The following BRPF1 variants were observed in gnomAD, a reference collection of about 807,000 sequenced individuals.
BRPF1 encodes peregrin.
In BRPF1, 15 loss-of-function variants were observed where a neutral mutation model predicts 115.0. The ratio of observed to expected loss-of-function variants is 0.13; its 90% CI spans 0.09 to 0.20. The LOEUF (loss-of-function observed/expected upper bound fraction) is 0.20. Ranked by LOEUF, BRPF1 falls within the 10% of genes least tolerant of loss-of-function variation. BRPF1 has a pLI of 1.00. For synonymous variants in BRPF1, 647 were observed against 619.8 expected (o/e 1.04, Z -0.65); for missense variants, 1,118 against 1,638.3 (o/e 0.68, Z 5.48).
In BRPF1 at chr3:9,744,437, G is replaced by T. The variant is rs1378593989; in HGVS notation, c.2849G>T (p.Arg950Leu). 3.7e-6 allele frequency: 6 copies of T among 1,605,844 alleles called. No individual in the cohort carries two copies. The highest frequency in any genetic ancestry group is 2.2e-5 in the East Asian group (1 of 44,570). ...ATGAGTTCCCTGCGTCAGCGCAAGC[G>T]GGGTAGGAGCCCCCGGCCCAGTTCG... ...PIMSSLRQRKRGRSPRPSSSS... is the reference protein window; with the variant it reads ...PIMSSLRQRKLGRSPRPSSSS... The change falls in exon 9 of 14, where the codon CGG becomes CTG. Residue 950 changes from arginine (R) to leucine (L), a missense_variant. By Grantham distance (102) the Arg-to-Leu change is moderately radical (BLOSUM62 -2). This residue lies in a region of BRPF1 where 92 missense variants were observed against 102.2 expected (regional missense o/e 0.90). Coordinates refer to ENST00000383829, the MANE Select transcript of BRPF1 (RefSeq NM_001003694.2).
chr3:9,739,481 G>A lies in BRPF1; in HGVS notation c.1082G>A (p.Cys361Tyr), dbSNP rs1412886514. ...VVCALWIPEVCFANTVFLEPI... is the reference protein window; with the variant it reads ...VVCALWIPEVYFANTVFLEPI... ...TGTGCCTTGTGGATCCCTGAGGTCT[G>A]CTTCGCCAACACGGTCTTCCTAGAG... Residue 361 changes from cysteine to tyrosine, a missense_variant, in exon 3 of 14, where the codon TGC (cysteine) becomes TAC (tyrosine). Physicochemically the swap from Cys to Tyr is radical, Grantham distance 194. This residue lies in a region of BRPF1 where 64 missense variants were observed against 172.8 expected (regional missense o/e 0.37). Transcript: ENST00000383829. The A allele has an allele frequency of 6.2e-7, 1 of 1,613,540 alleles. No homozygotes were observed.
chr3:9,744,079 AATCTTC>A, intron 8 of BRPF1, 139 bp from the exon 9 acceptor site: 1 of 1,281,462 alleles, frequency 7.8e-7, no homozygotes, highest in Admixed American at 2.3e-5. Flanking sequence ...TATAAGAGTT[AATCTTC>A]CAAATTCCAA....
At position 9,747,083 on chromosome 3, in the gene BRPF1, T is replaced by G. The variant is rs1575170109; in HGVS notation, c.3480-83T>G. ...AGTCTGGCCAGAGTGGGTGCTTGGG[T>G]GGTGTGTTTGAGTGAATAGAGGAGG... On this transcript the variant is annotated intron_variant, in intron 13 of 13. Transcript: ENST00000383829. This position sits in a 1 kb window ranked among gnomAD's most constrained non-coding sequence, Gnocchi z 5.6. The G allele has an allele frequency of 6.8e-7, 1 of 1,476,662 alleles. No individual in the cohort carries two copies. Among genetic ancestry groups the G allele is most frequent in the Admixed American group, 1.7e-5 (1 of 58,092 alleles). The allele number at this position is 1,476,662 out of a possible 1,614,324, so 91.5% of individuals were successfully genotyped here. A position where few individuals can be genotyped will look rare whatever the true frequency, so the allele number is the denominator to read the frequency against.
chr3:9,745,869 C>T lies in BRPF1; in HGVS notation c.3263C>T (p.Pro1088Leu), dbSNP rs781286044. Residue 1088 changes from proline to leucine, a missense_variant, in exon 12 of 14, where the codon CCG becomes CTG. Physicochemically the swap from Pro to Leu is moderately conservative, Grantham distance 98. Coordinates refer to ENST00000383829, the MANE Select transcript of BRPF1 (RefSeq NM_001003694.2). This position sits in a 1 kb window ranked among gnomAD's most constrained non-coding sequence, Gnocchi z 5.1. ...AGWLSEDEDS[P>L]LDALDLVWAK... ...TGGCTGTCAGAGGATGAGGACTCCCCGCTGGATGCTCTGGACCTCGTGTGG... is the reference window on the plus strand; with the variant it reads ...TGGCTGTCAGAGGATGAGGACTCCCTGCTGGATGCTCTGGACCTCGTGTGG... 16 of 1,614,142 alleles carry T rather than the reference C, an allele frequency of 9.9e-6. No individual in the cohort carries two copies. In the South Asian group the frequency reaches 1.2e-4, roughly 12 times the overall value.
chr3:9,742,778 A>G (rs1387145686), intron 6 of BRPF1, among the ~76,000 whole-genome samples, 166 bp from the exon 7 acceptor site: 3 of 152,172 alleles, frequency 2.0e-5, no homozygotes, highest in Non-Finnish European at 4.4e-5. Context: ...GTGACTGGTA[A>G]AGTCAGGACC....
intron 2 of BRPF1, among the ~76,000 whole-genome samples, chr3:9,738,667 C>G (rs1379085768): frequency 5.9e-5 from 9 of 152,226 alleles, no homozygotes; most frequent in African/African-American, 2.2e-4. Context: ...AGGAGGCTGG[C>G]TGAGCCTCTG....
chr3:9,732,542 C>T (rs75926075), intron 1 of BRPF1: 3,813 of 152,342 alleles, frequency 0.025, 155 homozygotes, highest in African/African-American at 0.087. Flanking sequence ...TTCTCGTCTC[C>T]CTCGCCTGTG....
chr3:9,739,950 A>G lies in BRPF1; in HGVS notation c.1551A>G (p.Pro517=). The change falls in exon 3 of 14, where the codon CCA becomes CCG. Residue 517 remains proline, a synonymous_variant. Coordinates refer to ENST00000383829, the MANE Select transcript of BRPF1 (RefSeq NM_001003694.2). ...CTGTGGTGTCAGTGCCCTGCATCCC[A>G]CCACACAGGTATGTGGGGAGCCGGT... is the stretch of plus-strand genomic sequence containing the variant. The part of the protein sequence containing the change: ...AAPVVSVPCI[P]PHRLSKITNR... 6.3e-7 allele frequency: 1 copy of G among 1,576,808 alleles called. No homozygotes were observed. The highest frequency in any genetic ancestry group is 8.6e-7 in the Non-Finnish European group (1 of 1,161,480).
Position 9,740,914 on chromosome 3 carries a change from A to G in BRPF1, c.1695A>G (p.Gln565=), listed in dbSNP as rs774284168. Residue 565 remains glutamine, a synonymous_variant, in exon 4 of 14, where the codon CAA becomes CAG. Transcript: ENST00000383829. ...TACGTCGCCTGCAGACACACCTGCA[A>G]TCTCAGAGGAACTGTGACCAAGTTG... ...PLLRRLQTHL[Q]SQRNCDQVGR... is the part of the protein sequence containing the mutation. The G allele has an allele frequency of 1.1e-5, 17 of 1,613,124 alleles. No homozygotes were observed. Among genetic ancestry groups the G allele is most frequent in the Admixed American group, 1.7e-5 (1 of 59,998 alleles).
chr3:9,736,360 C>CT (rs1355935024), intron 2 of BRPF1, among the ~76,000 whole-genome samples: 1 of 152,190 alleles, frequency 6.6e-6, no homozygotes, highest in Non-Finnish European at 1.5e-5. Flanking sequence ...GCCTGTAGCA[C>CT]TTTCTTCTCT....
In BRPF1 at chr3:9,743,468, C is replaced by T. The variant is rs961238527; in HGVS notation, c.2312-110C>T. ...TTGGTGCTGCTATTTTACAGCTGTT[C>T]CTGGTGAGAAGCCCAGGGGGGATGA... On this transcript the variant is annotated intron_variant, in intron 7 of 13. Coordinates refer to ENST00000383829, the MANE Select transcript of BRPF1 (RefSeq NM_001003694.2). The surrounding 1 kb of genome is among the most constrained non-coding windows in gnomAD (Gnocchi z 6.1). 2 of 1,328,714 alleles carry T rather than the reference C, an allele frequency of 1.5e-6. No individual in the cohort carries two copies. Among genetic ancestry groups the T allele is most frequent in the South Asian group, 1.4e-5 (1 of 71,628 alleles). The allele number at this position is 1,328,714 out of a possible 1,614,324, so 82.3% of individuals were successfully genotyped here.
rs924272817 is a variant in BRPF1, at chr3:9,733,995, T to C, written c.-10-136T>C. ...GGGCTATGGTGGAGGAGATGGCATT[T>C]GGAGACACTGTAGAGGTAGGCTGGC... On this transcript the variant is annotated intron_variant, in intron 1 of 13. Coordinates refer to ENST00000383829, the MANE Select transcript of BRPF1 (RefSeq NM_001003694.2). The C allele has an allele frequency of 2.1e-6, 3 of 1,421,244 alleles. No individual in the cohort carries two copies. In the Admixed American group the frequency reaches 7.5e-5, roughly 35 times the overall value. 88.0% of individuals were successfully genotyped at this position (1,421,244 alleles called of 1,614,324 possible).
intron 2 of BRPF1, among the ~76,000 whole-genome samples, chr3:9,737,995 G>A (rs2076969994): frequency 6.6e-6 from 1 of 152,154 alleles, no homozygotes; most frequent in South Asian, 2.1e-4. Flanking sequence ...GTCATAAAAT[G>A]GCAGAGGCAG....
rs765130214 is a variant in BRPF1, at chr3:9,739,759, C to T, written c.1360C>T (p.Arg454Cys). 91 of 1,614,170 alleles carry T rather than the reference C, an allele frequency of 5.6e-5. No individual in the cohort carries two copies. The highest frequency in any genetic ancestry group is 4.2e-4 in the Admixed American group (25 of 60,026). Residue 454 changes from arginine to cysteine, a missense_variant, in exon 3 of 14, where the codon CGC (arginine) becomes TGC (cysteine). By Grantham distance (180) the Arg-to-Cys change is radical. Transcript: ENST00000383829. ...CDIHTPPGSA[R>C]RLPALSHSEG... is the part of the protein sequence containing the mutation. The stretch of plus-strand genomic sequence containing the variant: ...CATCCACACGCCTCCAGGTTCAGCA[C>T]GCCGACTGCCTGCCCTGTCCCACAG...
At chr3:9,742,415 A>G (rs1054856730) in intron 6 of BRPF1, 241 of 985,328 alleles carry the variant, frequency 2.4e-4, no homozygotes, top group Non-Finnish European at 2.7e-4. Flanking sequence ...TGCCAAATGA[A>G]TAATCCCAGG....
rs1376373992 is a variant in BRPF1 at position 9,747,977 on chromosome 3, AAT to A, written c.*633_*634del. 6.6e-6 allele frequency: 1 copy of A among 152,472 alleles called. No homozygotes were observed. Among genetic ancestry groups the A allele is most frequent in the Admixed American group, 6.5e-5 (1 of 15,268 alleles). 9.4% of individuals were successfully genotyped at this position (152,472 alleles called of 1,614,324 possible). A position where few individuals can be genotyped will look rare whatever the true frequency, so the allele number is the denominator to read the frequency against. ...GTTTGTATTTATTTCAAAGGAAGAA[AAT>A]ATATTGATTCTTAGAAAATAAACTG... On this transcript the variant is annotated 3_prime_UTR_variant, in exon 14 of 14. Transcript: ENST00000383829. This position sits in a 1 kb window ranked among gnomAD's most constrained non-coding sequence, Gnocchi z 5.6.
chr3:9,747,391 T>G lies in BRPF1; in HGVS notation c.*42T>G. The G allele has an allele frequency of 6.3e-7, 1 of 1,596,016 alleles. No homozygotes were observed. Among genetic ancestry groups the G allele is most frequent in the South Asian group, 1.1e-5 (1 of 90,114 alleles). ...CCAACCTATAGTGCCCTGTGACTTC[T>G]CTCCTCCCCTTTGCTCACTGTCCTG... On this transcript the variant is annotated 3_prime_UTR_variant, in exon 14 of 14. Coordinates refer to ENST00000383829, the MANE Select transcript of BRPF1 (RefSeq NM_001003694.2). This position sits in a 1 kb window ranked among gnomAD's most constrained non-coding sequence, Gnocchi z 5.6.
Position 9,746,345 on chromosome 3 carries a change from G to A in BRPF1, c.3370G>A (p.Val1124Ile), listed in dbSNP as rs1436939679. The A allele has an allele frequency of 2.5e-6, 4 of 1,600,904 alleles. No homozygotes were observed. Among genetic ancestry groups the A allele is most frequent in the African/African-American group, 1.3e-5 (1 of 74,296 alleles). The change falls in exon 13 of 14, where the codon GTT becomes ATT. Residue 1124 changes from valine to isoleucine, a missense_variant. Physicochemically the swap from Val to Ile is conservative, Grantham distance 29. Coordinates refer to ENST00000383829, the MANE Select transcript of BRPF1 (RefSeq NM_001003694.2). ...CCGAGAAGGTATGTTCCACCATGGG[G>A]TTCCCATCCCTGTGCCCCCACTGGA... The part of the protein sequence containing the change: ...MPREGMFHHG[V>I]PIPVPPLEVL...
At chr3:9,737,541 C>G (rs887814743) in intron 2 of BRPF1, among the ~76,000 whole-genome samples, 5 of 152,242 alleles carry the variant, frequency 3.3e-5, no homozygotes, top group Admixed American at 6.5e-5. Flanking sequence ...CAGTGTGGCT[C>G]CAGAGCCTGT....
Sources: gnomAD v4.1 joint callset for allele counts (sites outside exome capture counted in the v4.1 genomes callset) on GRCh38, gnomAD v4.1.1 for gene constraint, gnomAD v4.1.1 regional missense constraint, Gnocchi (gnomAD v3.1) non-coding constraint, MANE v1.5 for transcripts, NCBI Gene and HGNC (gene_info 2026-07-23, HGNC 2026-07-21) for gene names.